The following ZDHHC4 variants were observed in gnomAD, a reference collection of about 807,000 sequenced individuals.
ZDHHC4 encodes the protein zDHHC palmitoyltransferase 4.
Under a neutral mutation model 36.7 loss-of-function variants are expected in ZDHHC4, and 42 were observed. The ratio of observed to expected loss-of-function variants is 1.14; its 90% CI spans 0.89 to 1.48. The LOEUF (loss-of-function observed/expected upper bound fraction) is 1.48. Ranked by LOEUF, ZDHHC4 falls within the 40% of genes most tolerant of loss-of-function variation. The pLI is 0.00. For synonymous variants in ZDHHC4, 189 were observed against 166.6 expected, an observed-to-expected ratio of 1.13 and a Z score of -1.03; for missense variants, 457 against 421.5, an observed-to-expected ratio of 1.08 and a Z score of -0.74.
chr7:6,583,351 A>T lies in ZDHHC4; in HGVS notation c.416A>T (p.Glu139Val). 1 of 1,613,734 alleles carries T rather than the reference A, an allele frequency of 6.2e-7. No homozygotes were observed. The stretch of plus-strand genomic sequence containing the variant: ...GAATTATTATTTCTTCATGTTTATG[A>T]ATTTGATGAAGTGATGTTTCCAAAG... ...ANELLFLHVY[E>V]FDEVMFPKNV... The change falls in exon 6 of 8, where the codon GAA becomes GTA. Residue 139 changes from glutamate to valine, a missense_variant. Transcript: ENST00000335965.
chr7:6,585,153 A>T lies in ZDHHC4; in HGVS notation c.634A>T (p.Ser212Cys). The change falls in exon 7 of 8, where the codon AGC becomes TGC. Residue 212 changes from serine to cysteine, a missense_variant. Ser to Cys is a moderately radical substitution (Grantham distance 112). Coordinates refer to ENST00000335965, the MANE Select transcript of ZDHHC4 (RefSeq NM_001134389.2). ...TASAATVAIV[S>C]TTFLVHLVVM... is the part of the protein sequence containing the mutation. The stretch of plus-strand genomic sequence containing the variant: ...CTCGGCTGCCACCGTCGCCATTGTG[A>T]GCACCACTTTTCTGGTCCACTTGGT... 1 of 1,614,086 alleles carries T rather than the reference A, an allele frequency of 6.2e-7. No individual in the cohort carries two copies. The highest frequency in any genetic ancestry group is 2.2e-5 in the East Asian group (1 of 44,880).
chr7:6,582,961 C>T (rs367773150), intron 5 of ZDHHC4, among the ~76,000 whole-genome samples: 9 of 152,052 alleles, frequency 5.9e-5, no homozygotes, highest in South Asian at 2.1e-4. Context: ...ACCTGAGGTC[C>T]GGAGTTCCAG....
chr7:6,580,242 C>A (rs1285871325), intron 2 of ZDHHC4, among the ~76,000 whole-genome samples: 2 of 152,064 alleles, frequency 1.3e-5, no homozygotes, highest in Non-Finnish European at 2.9e-5. Context: ...CTCAAGCGAT[C>A]CACCCACCTC....
intron 6 of ZDHHC4, 196 bp downstream of exon 6, chr7:6,583,627 A>G (rs1781024453): frequency 1.5e-6 from 1 of 648,386 alleles, no homozygotes; most frequent in Non-Finnish European, 2.4e-6. Flanking sequence ...TGTAGTAGAC[A>G]GTCCTCATCT....
intron 1 of ZDHHC4, among the ~76,000 whole-genome samples, chr7:6,578,055 C>T (rs372687973): frequency 6.6e-6 from 1 of 152,172 alleles, no homozygotes; most frequent in African/African-American, 2.4e-5. Flanking sequence ...GTCTCGAACT[C>T]CTGACCTCAG....
In ZDHHC4 at chr7:6,578,580, C is replaced by T. The variant is rs536322958; in HGVS notation, c.-148C>T. 6.6e-6 allele frequency: 1 copy of T among 152,362 alleles called. No individual in the cohort carries two copies. Among genetic ancestry groups the T allele is most frequent in the South Asian group, 2.1e-4 (1 of 4,830 alleles). 9.4% of individuals were successfully genotyped at this position (152,362 alleles called of 1,614,324 possible). ...TGTCTCTGCAGCCAGATCCAGGCTC[C>T]TGGAAGAACCATGTCCGGCAGCTAC... is the stretch of plus-strand genomic sequence containing the variant. On this transcript the variant is annotated 5_prime_UTR_variant, in exon 2 of 8. Transcript: ENST00000335965.
intron 7 of ZDHHC4, among the ~76,000 whole-genome samples, chr7:6,587,157 T>G (rs1269861372): frequency 6.6e-6 from 1 of 151,936 alleles, no homozygotes; most frequent in Non-Finnish European, 1.5e-5. Context: ...TGCTCCCACC[T>G]TGGCCTCCCA....
At position 6,581,687 on chromosome 7, in the gene ZDHHC4, C is replaced by G; in HGVS notation, c.191+7C>G. On this transcript the variant is annotated splice_region_variant and intron_variant, in intron 4 of 7. Coordinates refer to ENST00000335965, the MANE Select transcript of ZDHHC4 (RefSeq NM_001134389.2). The stretch of plus-strand genomic sequence containing the variant: ...ATTACCTTTTCCATACGAGGTATTT[C>G]TCTTTCAGAGTTTAAATATTCTCCT... The G allele has an allele frequency of 1.3e-6, 2 of 1,594,120 alleles. No individual in the cohort carries two copies.
chr7:6,584,993 C>T (rs138194785), intron 6 of ZDHHC4, 23 bp from the exon 7 acceptor site: 67 of 1,612,392 alleles, frequency 4.2e-5, no homozygotes, highest in East Asian at 1.8e-4. Context: ...CATCCCAGCA[C>T]GTGCCCCCTT....
chr7:6,579,431 A>C (rs955941700), intron 2 of ZDHHC4, among the ~76,000 whole-genome samples: 1 of 151,496 alleles, frequency 6.6e-6, no homozygotes, highest in Non-Finnish European at 1.5e-5. Flanking sequence ...CGAACTCCTG[A>C]CCTCGTGATC....
Position 6,586,712 on chromosome 7 carries a change from G to A in ZDHHC4, c.741+1452G>A, listed in dbSNP as rs374047650. 2.0e-5 allele frequency among the ~76,000 whole-genome samples: 3 copies of A among 152,300 alleles called. No homozygotes were observed. The South Asian group carries it at 6.2e-4, about 32-fold the overall frequency. Reference sequence around the variant, plus strand: ...GCTGGTCTTGAACTCCTGACCTCAAGTGATCCACCCGCCTCGGCCTCCCAA... The same window carrying A: ...GCTGGTCTTGAACTCCTGACCTCAAATGATCCACCCGCCTCGGCCTCCCAA... On this transcript the variant is annotated intron_variant, in intron 7 of 7. Transcript: ENST00000335965.
chr7:6,586,478 T>C (rs1781254095), intron 7 of ZDHHC4, among the ~76,000 whole-genome samples: 1 of 152,154 alleles, frequency 6.6e-6, no homozygotes, highest in East Asian at 1.9e-4. Flanking sequence ...TCTACTTCAT[T>C]CCTTTTGTTT....
Position 6,588,798 on chromosome 7 carries a change from C to A in ZDHHC4, c.923C>A (p.Pro308Gln), listed in dbSNP as rs756240253. ...CGTTGTCCCCTTGTGGCCTGGCCTC[C>A]GTCAGCAGAGCCCCAAGTCCACCGG... ...CQRCPLVAWP[P>Q]SAEPQVHRNI... The change falls in exon 8 of 8, where the codon CCG becomes CAG. Residue 308 changes from proline to glutamine, a missense_variant. Transcript: ENST00000335965. 6.2e-7 allele frequency: 1 copy of A among 1,614,192 alleles called. No homozygotes were observed.
At chr7:6,584,702 T>C (rs924391315) in intron 6 of ZDHHC4, among the ~76,000 whole-genome samples, 1 of 152,194 alleles carries the variant, frequency 6.6e-6, no homozygotes, top group East Asian at 1.9e-4. Flanking sequence ...GACGTGATCA[T>C]AGCTCACTGC....
At position 6,579,330 on chromosome 7, in the gene ZDHHC4, C is replaced by G. The variant is rs1011631857; in HGVS notation, c.-8+610C>G. ...ATTCTCCTGCCTCCACCCCCTGAGT[C>G]GCTGGGATTACAGGCATGTGCCACC... is the stretch of plus-strand genomic sequence containing the variant. On this transcript the variant is annotated intron_variant, in intron 2 of 7. Coordinates refer to ENST00000335965, the MANE Select transcript of ZDHHC4 (RefSeq NM_001134389.2). Among the ~76,000 whole-genome samples the G allele has an allele frequency of 4.0e-5, 6 of 151,832 alleles. No homozygotes were observed. The South Asian group carries it at 1.2e-3, about 32-fold the overall frequency.
rs1310821938 is a variant in ZDHHC4, at chr7:6,583,292, C to G, written c.371-14C>G. The G allele has an allele frequency of 6.2e-7, 1 of 1,613,494 alleles. No homozygotes were observed. The highest frequency in any genetic ancestry group is 1.1e-5 in the South Asian group (1 of 90,948). ...GTATTGCACGAAACTGACATATGTCCTTACTTTTCCCAGGCATTATAACAA... is the reference window on the plus strand; with the variant it reads ...GTATTGCACGAAACTGACATATGTCGTTACTTTTCCCAGGCATTATAACAA... On this transcript the variant is annotated splice_polypyrimidine_tract_variant and intron_variant, in intron 5 of 7. Coordinates refer to ENST00000335965, the MANE Select transcript of ZDHHC4 (RefSeq NM_001134389.2).
chr7:6,583,173 G>GT (rs1780981946), intron 5 of ZDHHC4, 133 bp from the exon 6 acceptor site: 1 of 1,025,622 alleles, frequency 9.8e-7, no homozygotes, highest in Admixed American at 2.5e-5. Context: ...AAGTAAGACT[G>GT]TCTCAAAAAA....
chr7:6,582,478 C>T (rs897413254), intron 5 of ZDHHC4, among the ~76,000 whole-genome samples: 13 of 152,060 alleles, frequency 8.5e-5, no homozygotes, highest in Middle Eastern at 3.4e-3. Context: ...GCTTTCACTT[C>T]GTTTTGTCAT....
intron 1 of ZDHHC4, among the ~76,000 whole-genome samples, chr7:6,577,937 A>G (rs187009489): frequency 0.011 from 1,747 of 152,210 alleles, 29 homozygotes; most frequent in Non-Finnish European, 0.014. Context: ...GATTCAAGCA[A>G]TTCTGCCTCA....
Sources: allele counts gnomAD v4.1 joint callset (sites outside exome capture counted in the v4.1 genomes callset), GRCh38; gene constraint gnomAD v4.1.1; transcripts MANE v1.5; gene names NCBI Gene and HGNC (gene_info 2026-07-23, HGNC 2026-07-21).